Variants in TTC28 observed in about 807,000 individuals in gnomAD.
The protein encoded by TTC28 is tetratricopeptide repeat domain 28.
Under a neutral mutation model 198.0 loss-of-function variants are expected in TTC28, and 61 were observed. The ratio of observed to expected loss-of-function variants is 0.31; its 90% CI spans 0.25 to 0.38. TTC28 has a LOEUF of 0.38. Among genes scored for constraint, TTC28 ranks in the 10% least tolerant of loss-of-function variants. The probability of loss-of-function intolerance (pLI) is 1.00; values close to 1 mark genes in which losing one functional copy is unlikely to be tolerated. For missense variants in TTC28, 2,678 were observed against 3,164.0 expected (o/e 0.85, Z 3.69); for synonymous variants, 1,171 against 1,297.8 (o/e 0.90, Z 2.10).
At chr22:28,238,995 C>A (rs1929463370) in intron 5 of TTC28, among the ~76,000 whole-genome samples, 1 of 152,166 alleles carries the variant, frequency 6.6e-6, no homozygotes, top group Non-Finnish European at 1.5e-5. Context: ...ACATGACCTG[C>A]AAAGTATTCT....
At chr22:28,082,115 A>T (rs1941387023) in intron 12 of TTC28, among the ~76,000 whole-genome samples, 1 of 152,140 alleles carries the variant, frequency 6.6e-6, no homozygotes, top group South Asian at 2.1e-4. Flanking sequence ...TATCCTGCAG[A>T]TTTACTAAAT....
chr22:28,334,501 T>C (rs2045673879), intron 2 of TTC28, among the ~76,000 whole-genome samples: 1 of 152,204 alleles, frequency 6.6e-6, no homozygotes, highest in Non-Finnish European at 1.5e-5. Flanking sequence ...CTCCACATCC[T>C]CTCCAGCACC....
chr22:28,435,602 A>G (rs1323165702), intron 2 of TTC28, among the ~76,000 whole-genome samples: 1 of 152,208 alleles, frequency 6.6e-6, no homozygotes, highest in Non-Finnish European at 1.5e-5. Context: ...AGCAAAATGA[A>G]GGTGGCTGCT....
chr22:28,073,277 T>C (rs1224452688), intron 12 of TTC28, among the ~76,000 whole-genome samples: 1 of 152,160 alleles, frequency 6.6e-6, no homozygotes, highest in Non-Finnish European at 1.5e-5. Context: ...TTGGATAGGC[T>C]GAGTTTGAGG....
At chr22:28,129,550 C>A (rs1411359935) in intron 6 of TTC28, among the ~76,000 whole-genome samples, 1 of 152,188 alleles carries the variant, frequency 6.6e-6, no homozygotes, top group African/African-American at 2.4e-5. Context: ...CCCTCTTGAA[C>A]TTCATTCTCC....
At chr22:28,583,053 C>T (rs754254756) in intron 2 of TTC28, among the ~76,000 whole-genome samples, 13 of 152,052 alleles carry the variant, frequency 8.5e-5, no homozygotes, top group African/African-American at 2.4e-4. Context: ...AGTTACATGA[C>T]GACACAAATG....
At chr22:28,194,139 C>T (rs1436762078) in intron 5 of TTC28, among the ~76,000 whole-genome samples, 3 of 152,136 alleles carry the variant, frequency 2.0e-5, no homozygotes, top group Non-Finnish European at 4.4e-5. Flanking sequence ...CACTCAAAAC[C>T]ACTCAACTAT....
At chr22:28,424,283 C>T (rs551671247) in intron 2 of TTC28, among the ~76,000 whole-genome samples, 74 of 152,218 alleles carry the variant, frequency 4.9e-4, no homozygotes, top group South Asian at 3.5e-3. Context: ...TACCTTCATG[C>T]CTTTGTCTAT....
At chr22:28,393,160 C>G (rs2046761833) in intron 2 of TTC28, among the ~76,000 whole-genome samples, 1 of 152,120 alleles carries the variant, frequency 6.6e-6, no homozygotes, top group African/African-American at 2.4e-5. Flanking sequence ...TGGGAATACC[C>G]AGATGTGAGC....
intron 2 of TTC28, among the ~76,000 whole-genome samples, chr22:28,582,276 G>A (rs2050244201): frequency 6.6e-6 from 1 of 152,034 alleles, no homozygotes; most frequent in Admixed American, 6.6e-5. Context: ...ATTTCTTAGT[G>A]CCACCAAGAA....
intron 6 of TTC28, among the ~76,000 whole-genome samples, chr22:28,159,047 GCACT>G (rs1437085086): frequency 6.6e-6 from 1 of 152,062 alleles, no homozygotes; most frequent in East Asian, 1.9e-4. Context: ...AATATATAAG[GCACT>G]CAAACAATCT....
At chr22:28,433,639 A>ATATGTATTAAT (rs1491343604) in intron 2 of TTC28, among the ~76,000 whole-genome samples, 1 of 152,222 alleles carries the variant, frequency 6.6e-6, no homozygotes, top group African/African-American at 2.4e-5. Flanking sequence ...TAATATTTAA[A>ATATGTATTAAT]TATGTATTAA....
In TTC28 at chr22:28,094,206, G is replaced by A; in HGVS notation, c.3806C>T (p.Thr1269Ile). ...KFHEHYLGEN[T>I]VENSSDFQAS... Reference sequence around the variant, plus strand: ...CTGGAAGTCACTTGAGTTTTCCACTGTGTTCTCACCCAGGTAGTGTTCATG... The same window carrying A: ...CTGGAAGTCACTTGAGTTTTCCACTATGTTCTCACCCAGGTAGTGTTCATG... The change falls in exon 12 of 23, where the codon ACA (threonine) becomes ATA (isoleucine). Residue 1269 changes from threonine (T) to isoleucine (I), a missense_variant. By Grantham distance (89) the Thr-to-Ile change is moderately conservative. Around this residue, in one of 8 missense-constraint regions of TTC28, gnomAD observed 727 missense variants for 861.9 expected, o/e 0.84. Coordinates refer to ENST00000397906, the MANE Select transcript of TTC28 (RefSeq NM_001145418.2). 6.4e-7 allele frequency: 1 copy of A among 1,551,268 alleles called. No individual in the cohort carries two copies. Among genetic ancestry groups the A allele is most frequent in the Non-Finnish European group, 8.7e-7 (1 of 1,146,848 alleles).
intron 5 of TTC28, among the ~76,000 whole-genome samples, chr22:28,249,903 C>T (rs1930397539): frequency 2.0e-5 from 3 of 152,160 alleles, no homozygotes; most frequent in African/African-American, 7.2e-5. Context: ...ATGTTGAGAC[C>T]AATCCACTGT....
intron 2 of TTC28, among the ~76,000 whole-genome samples, chr22:28,405,823 C>G (rs902220610): frequency 6.6e-6 from 1 of 152,226 alleles, no homozygotes; most frequent in Admixed American, 6.5e-5. Context: ...CCAGAAGTTA[C>G]CACCCCCTTT....
rs367784184 is a variant in TTC28, at chr22:28,491,637, C to T, written c.381+137915G>A. ...AGGTGCTGGAGAGGATGTGGAGAAA[C>T]AGGAACACTTTTACACTGTTGGTGG... On this transcript the variant is annotated intron_variant, in intron 2 of 22. Transcript: ENST00000397906. Among the ~76,000 whole-genome samples the T allele has an allele frequency of 5.3e-3, 801 of 152,168 alleles. 11 individuals are homozygous for T. Among genetic ancestry groups the T allele is most frequent in the African/African-American group, 0.017 (726 of 41,512 alleles).
intron 2 of TTC28, among the ~76,000 whole-genome samples, chr22:28,347,078 C>T (rs1384403938): frequency 6.6e-6 from 1 of 152,080 alleles, no homozygotes; most frequent in East Asian, 1.9e-4. Context: ...GCCTGGCCAA[C>T]ATGGTGAAAT....
intron 14 of TTC28, among the ~76,000 whole-genome samples, chr22:28,012,113 A>G (rs1167709174): frequency 6.6e-6 from 1 of 152,174 alleles, no homozygotes; most frequent in African/African-American, 2.4e-5. Flanking sequence ...AGTCACTGAA[A>G]TGGTTTGCAT....
rs187320084 is a variant in TTC28 at position 28,536,762 on chromosome 22, G to T, written c.381+92790C>A. Among the ~76,000 whole-genome samples the T allele has an allele frequency of 1.6e-3, 236 of 152,220 alleles. 4 individuals carry two copies. Among genetic ancestry groups the T allele is most frequent in the South Asian group, 9.3e-3 (45 of 4,826 alleles). On this transcript the variant is annotated intron_variant, in intron 2 of 22. Coordinates refer to ENST00000397906, the MANE Select transcript of TTC28 (RefSeq NM_001145418.2). ...TGACTTATTGTTTTACAAATGTAAT[G>T]CAATCCCAACAAAACACCAATAGAA... is the stretch of plus-strand genomic sequence containing the variant.
Sources: allele counts gnomAD v4.1 joint callset (sites outside exome capture counted in the v4.1 genomes callset), GRCh38; gene constraint gnomAD v4.1.1; regional missense constraint gnomAD v4.1.1; transcripts MANE v1.5; gene names NCBI Gene and HGNC (gene_info 2026-07-23, HGNC 2026-07-21).